TRAPPC3L: variants seen among roughly 807,000 people sequenced by gnomAD.
TRAPPC3L encodes the protein trafficking protein particle complex subunit 3-like protein.
In TRAPPC3L, 23 loss-of-function variants were observed where a neutral mutation model predicts 23.7. That is an observed-to-expected ratio of 0.97 (90% CI 0.70 to 1.37). TRAPPC3L has a LOEUF of 1.37. Ranked by LOEUF, TRAPPC3L falls within the 40% of genes most tolerant of loss-of-function variation. The probability of loss-of-function intolerance (pLI) is 0.00; values close to 1 mark genes in which losing one functional copy is unlikely to be tolerated. For synonymous variants in TRAPPC3L, 81 were observed against 77.9 expected (o/e 1.04, Z -0.21); for missense variants, 212 against 216.8 (o/e 0.98, Z 0.14).
In TRAPPC3L at chr6:116,545,523, A is replaced by T. The variant is rs1773729633; in HGVS notation, c.-9T>A. 2 of 1,546,506 alleles carry T rather than the reference A, an allele frequency of 1.3e-6. No homozygotes were observed. The highest frequency in any genetic ancestry group is 1.2e-5 in the South Asian group (1 of 83,254). On this transcript the variant is annotated 5_prime_UTR_variant, in exon 1 of 5. Coordinates refer to ENST00000368602, the MANE Select transcript of TRAPPC3L (RefSeq NM_001139444.3). ...TGTGCAGGGCGAGACATAGTGCTTG[A>T]TAGATGAAGAATATGATCTTCAATT...
At chr6:116,521,839 T>C (rs1032567556) in intron 3 of TRAPPC3L, 2 of 152,194 alleles carry the variant, frequency 1.3e-5, no homozygotes, top group African/African-American at 2.4e-5. Context: ...TCTGACCTTA[T>C]GAACCAATAA....
At chr6:116,539,962 C>T (rs1281808135) in intron 3 of TRAPPC3L, among the ~76,000 whole-genome samples, 1 of 152,082 alleles carries the variant, frequency 6.6e-6, no homozygotes, top group African/African-American at 2.4e-5. Context: ...GAAAACAATA[C>T]TCTGGGAATG....
chr6:116,534,357 G>A (rs191729956), intron 3 of TRAPPC3L, among the ~76,000 whole-genome samples: 3 of 152,132 alleles, frequency 2.0e-5, no homozygotes, highest in Non-Finnish European at 4.4e-5. Flanking sequence ...CCCTCATGCT[G>A]TCTCCATTCT....
At chr6:116,516,702 T>A in intron 3 of TRAPPC3L, 1 of 125,314 alleles carries the variant, frequency 8.0e-6, no homozygotes, top group South Asian at 2.5e-4. Context: ...TATATATATA[T>A]ATATATACAC....
chr6:116,544,028 ATAAATCACAAGAAATGCTGG>A (rs764977361), intron 1 of TRAPPC3L, among the ~76,000 whole-genome samples: 124 of 152,092 alleles, frequency 8.2e-4, no homozygotes, highest in Non-Finnish European at 1.3e-3. Context: ...GAACCTAATA[ATAAATCACAAGAAATGCTGG>A]TAAATTATCA....
intron 3 of TRAPPC3L, among the ~76,000 whole-genome samples, chr6:116,507,785 A>G (rs1189755292): frequency 7.0e-6 from 1 of 143,798 alleles, no homozygotes; most frequent in Non-Finnish European, 1.6e-5. Context: ...TAAATGAATT[A>G]TAAAGTAACT....
intron 2 of TRAPPC3L, among the ~76,000 whole-genome samples, chr6:116,541,781 A>G (rs1378646437): frequency 6.6e-6 from 1 of 152,200 alleles, no homozygotes; most frequent in Non-Finnish European, 1.5e-5. Flanking sequence ...AGCAACTGGG[A>G]ACAGTGGTCA....
chr6:116,511,056 G>A (rs1306790760), intron 3 of TRAPPC3L, among the ~76,000 whole-genome samples: 1 of 148,404 alleles, frequency 6.7e-6, no homozygotes. Flanking sequence ...ATACATATTG[G>A]GTACACATAC....
chr6:116,527,765 G>A (rs907270652), intron 3 of TRAPPC3L, among the ~76,000 whole-genome samples: 1 of 152,176 alleles, frequency 6.6e-6, no homozygotes, highest in African/African-American at 2.4e-5. Flanking sequence ...GAGCAGCCTA[G>A]ATATTCATGT....
chr6:116,540,310 A>G, intron 3 of TRAPPC3L, 53 bp downstream of exon 3: 4 of 1,514,014 alleles, frequency 2.6e-6, no homozygotes, highest in East Asian at 2.5e-5. Flanking sequence ...ACCATACTCA[A>G]AAAGAATCAG....
chr6:116,496,989 T>C lies in TRAPPC3L; in HGVS notation c.511A>G (p.Lys171Glu), dbSNP rs1404367221. The C allele has an allele frequency of 6.5e-7, 1 of 1,546,738 alleles. No individual in the cohort carries two copies. The highest frequency in any genetic ancestry group is 1.2e-5 in the South Asian group (1 of 82,584). ...CCTCTATATTTTTTCTCGTCTCGCT[T>C]TTTTAGAAATGTTATTCCTATTTCT... ...VTEIGITFLK[K>E]RDEKKYRGKK The change falls in exon 5 of 5, where the codon AAG (lysine) becomes GAG (glutamate). Residue 171 changes from lysine to glutamate, a missense_variant. Physicochemically the swap from Lys to Glu is moderately conservative, Grantham distance 56. Coordinates refer to ENST00000368602, the MANE Select transcript of TRAPPC3L (RefSeq NM_001139444.3).
In TRAPPC3L at chr6:116,540,231, A is replaced by G. The variant is rs1773354003; in HGVS notation, c.240+132T>C. On this transcript the variant is annotated intron_variant, in intron 3 of 4. Coordinates refer to ENST00000368602, the MANE Select transcript of TRAPPC3L (RefSeq NM_001139444.3). ...CTGTGCTGAAATAAAATGCTTTTCAATCAGAATCTCCTTTCTCAGCACCTA... is the reference window on the plus strand; with the variant it reads ...CTGTGCTGAAATAAAATGCTTTTCAGTCAGAATCTCCTTTCTCAGCACCTA... 4 of 828,518 alleles carry G rather than the reference A, an allele frequency of 4.8e-6. No homozygotes were observed. In the African/African-American group the frequency reaches 5.2e-5, roughly 11 times the overall value. The allele number at this position is 828,518 out of a possible 1,614,324, so 51.3% of individuals were successfully genotyped here.
chr6:116,500,835 T>A (rs1222850394), intron 3 of TRAPPC3L, among the ~76,000 whole-genome samples, 169 bp from the exon 4 acceptor site: 1 of 152,198 alleles, frequency 6.6e-6, no homozygotes, highest in Non-Finnish European at 1.5e-5. Context: ...GATCCTATGA[T>A]GTGAAATTTT....
At chr6:116,526,040 CACCG>C (rs146287459) in intron 3 of TRAPPC3L, among the ~76,000 whole-genome samples, 4,691 of 152,278 alleles carry the variant, frequency 0.031, 107 homozygotes, top group Non-Finnish European at 0.05. Context: ...GAGTGGGTTT[CACCG>C]ACCCTATGCA....
intron 3 of TRAPPC3L, chr6:116,520,966 C>G (rs1401804502): frequency 6.6e-6 from 1 of 151,272 alleles, no homozygotes; most frequent in Middle Eastern, 3.2e-3. Flanking sequence ...TTTGGAGTAT[C>G]TTTGATGTAC....
rs565753650 is a variant in TRAPPC3L, at chr6:116,536,997, A to G, written c.240+3366T>C. Among the ~76,000 whole-genome samples the G allele has an allele frequency of 1.8e-4, 27 of 152,306 alleles. 1 individual carries two copies. The South Asian group carries it at 5.6e-3, about 32-fold the overall frequency. Reference sequence around the variant, plus strand: ...TGGGCAGGTCCATAACTAAAGTCTGACCTTTCATCTTTGTCAAAGTGCTCC... The same window carrying G: ...TGGGCAGGTCCATAACTAAAGTCTGGCCTTTCATCTTTGTCAAAGTGCTCC... On this transcript the variant is annotated intron_variant, in intron 3 of 4. Coordinates refer to ENST00000368602, the MANE Select transcript of TRAPPC3L (RefSeq NM_001139444.3).
chr6:116,495,177 C>T lies in TRAPPC3L; in HGVS notation c.*1777G>A, dbSNP rs1245198731. ...TCCACTCCTCTTGAAACTACCCTTC[C>T]CAGCCTCTGATATCCATCATTTTAC... On this transcript the variant is annotated 3_prime_UTR_variant, in exon 5 of 5. Coordinates refer to ENST00000368602, the MANE Select transcript of TRAPPC3L (RefSeq NM_001139444.3). 6.6e-6 allele frequency: 1 copy of T among 150,720 alleles called. No individual in the cohort carries two copies. Among genetic ancestry groups the T allele is most frequent in the South Asian group, 2.1e-4 (1 of 4,770 alleles). 9.3% of individuals were successfully genotyped at this position (150,720 alleles called of 1,614,324 possible).
intron 3 of TRAPPC3L, among the ~76,000 whole-genome samples, chr6:116,502,973 G>A (rs1771942724): frequency 6.6e-6 from 1 of 152,080 alleles, no homozygotes; most frequent in African/African-American, 2.4e-5. Flanking sequence ...CAACTACTGG[G>A]CAAAATAACC....
Position 116,545,639 on chromosome 6 carries a change from C to A in TRAPPC3L, c.-125G>T. ...TCTTCCTCGCTTTGAGACAGGAGTG[C>A]TGCTTCTGCACTCTGCTGCTTTTGC... On this transcript the variant is annotated 5_prime_UTR_variant, in exon 1 of 5. Coordinates refer to ENST00000368602, the MANE Select transcript of TRAPPC3L (RefSeq NM_001139444.3). 1 of 766,630 alleles carries A rather than the reference C, an allele frequency of 1.3e-6. No homozygotes were observed. The highest frequency in any genetic ancestry group is 2.1e-6 in the Non-Finnish European group (1 of 484,464). The allele number at this position is 766,630 out of a possible 1,614,324, so 47.5% of individuals were successfully genotyped here. A position where few individuals can be genotyped will look rare whatever the true frequency, so the allele number is the denominator to read the frequency against.
Sources: allele counts gnomAD v4.1 joint callset (sites outside exome capture counted in the v4.1 genomes callset), GRCh38; gene constraint gnomAD v4.1.1; transcripts MANE v1.5; gene names NCBI Gene and HGNC (gene_info 2026-07-23, HGNC 2026-07-21).